Variants in PMPCB observed in about 807,000 individuals in gnomAD.
PMPCB encodes the protein peptidase, mitochondrial processing subunit beta.
Under a neutral mutation model 61.5 loss-of-function variants are expected in PMPCB, and 46 were observed. That is an observed-to-expected ratio of 0.75 (90% CI 0.59 to 0.96). The LOEUF is 0.96. Among genes scored for constraint, PMPCB ranks in the 40% least tolerant of loss-of-function variants. The pLI, the probability that PMPCB is intolerant of heterozygous loss-of-function variation, is 0.00. For missense variants in PMPCB, 590 were observed against 602.4 expected, an observed-to-expected ratio of 0.98 and a Z score of 0.22; for synonymous variants, 191 against 201.6, an observed-to-expected ratio of 0.95 and a Z score of 0.44.
At chr7:103,306,801 G>A (rs1817605420) in intron 6 of PMPCB, among the ~76,000 whole-genome samples, 2 of 152,108 alleles carry the variant, frequency 1.3e-5, no homozygotes, top group South Asian at 4.2e-4. Flanking sequence ...TGTCACCCAA[G>A]TTGGAGTGCA....
chr7:103,332,982 T>C (rs1449480262), downstream of PMPCB, among the ~76,000 whole-genome samples: 1 of 152,136 alleles, frequency 6.6e-6, no homozygotes, highest in Non-Finnish European at 1.5e-5. Context: ...GGACCAAAAG[T>C]GTTCGGGATT....
Position 103,300,270 on chromosome 7 carries a change from A to G in PMPCB, c.420A>G (p.Val140=), listed in dbSNP as rs769408078. The G allele has an allele frequency of 3.1e-6, 5 of 1,611,526 alleles. No homozygotes were observed. The highest frequency in any genetic ancestry group is 4.2e-6 in the Non-Finnish European group (5 of 1,178,284). The change falls in exon 4 of 13, where the codon GTA becomes GTG. Residue 140 remains valine, a synonymous_variant. Coordinates refer to ENST00000249269, the MANE Select transcript of PMPCB (RefSeq NM_004279.3). ...LNAYTSREQT[V]YYAKAFSKDL... is the part of the protein sequence containing the mutation. ...CCTATACCTCCAGAGAGCAGACTGT[A>G]TACTATGCCAAAGCATTCTCTAAAG...
intron 7 of PMPCB, among the ~76,000 whole-genome samples, chr7:103,308,013 G>A (rs1247893516): frequency 6.6e-6 from 1 of 152,178 alleles, no homozygotes; most frequent in Non-Finnish European, 1.5e-5. Context: ...TTGGCACTAT[G>A]CCAATTTACA....
At chr7:103,324,968 G>C (rs1196363915) in intron 12 of PMPCB, among the ~76,000 whole-genome samples, 1 of 152,104 alleles carries the variant, frequency 6.6e-6, no homozygotes, top group East Asian at 1.9e-4. Context: ...TATTCACAGA[G>C]GGAACTAATT....
chr7:103,344,699 T>G, the PMPCB span: 3 of 1,468,976 alleles, frequency 2.0e-6, no homozygotes, highest in Non-Finnish European at 2.8e-6. Context: ...CCTCCAGCTC[T>G]ACCTCTCACT....
At chr7:103,304,818 G>A (rs1311179148) in intron 6 of PMPCB, among the ~76,000 whole-genome samples, 2 of 152,074 alleles carry the variant, frequency 1.3e-5, no homozygotes, top group African/African-American at 4.8e-5. Context: ...AAGTAGCTGG[G>A]CGTGGTGACA....
chr7:103,326,255 G>C (rs10243712), intron 12 of PMPCB, among the ~76,000 whole-genome samples: 1 of 152,130 alleles, frequency 6.6e-6, no homozygotes, highest in African/African-American at 2.4e-5. Flanking sequence ...TGGGATTACA[G>C]GTGTGAACCA....
intron 6 of PMPCB, among the ~76,000 whole-genome samples, chr7:103,304,778 T>C (rs1447160204): frequency 6.6e-6 from 1 of 152,056 alleles, no homozygotes; most frequent in East Asian, 1.9e-4. Context: ...CTGACTAATA[T>C]GGTGAAACCC....
intron 12 of PMPCB, among the ~76,000 whole-genome samples, chr7:103,320,527 G>A (rs996458104): frequency 5.3e-5 from 8 of 151,294 alleles, no homozygotes; most frequent in Admixed American, 3.3e-4. Flanking sequence ...TTGGGAGGCC[G>A]AGGCAGGCGG....
chr7:103,297,631 G>A, intron 1 of PMPCB, 73 bp downstream of exon 1: 1 of 1,594,152 alleles, frequency 6.3e-7, no homozygotes, highest in Non-Finnish European at 8.5e-7. Flanking sequence ...GAGAGTCGGC[G>A]CCACAGATCC....
At chr7:103,322,579 C>T in intron 12 of PMPCB, 2 of 1,606,974 alleles carry the variant, frequency 1.2e-6, no homozygotes, top group Middle Eastern at 1.7e-4. Context: ...TCTTTCTTGG[C>T]TTTTTCTTCT....
the PMPCB span, chr7:103,336,721 A>G: frequency 6.6e-6 from 1 of 152,240 alleles, no homozygotes; most frequent in African/African-American, 2.4e-5. Flanking sequence ...ATTTATTTAT[A>G]CTGGAATAAC....
chr7:103,308,627 A>G (rs1359621346), intron 7 of PMPCB, among the ~76,000 whole-genome samples: 1 of 152,132 alleles, frequency 6.6e-6, no homozygotes, highest in African/African-American at 2.4e-5. Flanking sequence ...TCAAAAAAAA[A>G]GAAAGAAAAA....
intron 6 of PMPCB, among the ~76,000 whole-genome samples, chr7:103,306,754 ATTTAAT>A (rs1418101205): frequency 1.3e-5 from 2 of 151,794 alleles, no homozygotes; most frequent in Admixed American, 6.6e-5. Context: ...TCTTTTATTT[ATTTAAT>A]TTTATTTATT....
Position 103,314,534 on chromosome 7 carries a change from A to C in PMPCB, c.*2263A>C. The C allele has an allele frequency of 2.0e-6, 2 of 985,366 alleles. No homozygotes were observed. Among genetic ancestry groups the C allele is most frequent in the Non-Finnish European group, 2.4e-6 (2 of 829,880 alleles). 61.0% of individuals were successfully genotyped at this position (985,366 alleles called of 1,614,324 possible). ...ACATGGAAACAAGTCCCCCTAAGAA[A>C]GAGCTGAGACTAGTGTGCTAATACC... On this transcript the variant is annotated 3_prime_UTR_variant, in exon 13 of 13. Coordinates refer to ENST00000249269, the MANE Select transcript of PMPCB (RefSeq NM_004279.3).
chr7:103,334,620 A>G, the PMPCB span, among the ~76,000 whole-genome samples: 1 of 151,484 alleles, frequency 6.6e-6, no homozygotes, highest in South Asian at 2.1e-4. Flanking sequence ...TTTTAATTAA[A>G]AAAAAAAAAG....
intron 12 of PMPCB, chr7:103,321,790 G>T: frequency 1.1e-6 from 1 of 873,970 alleles, no homozygotes. Context: ...GGAAATTGCG[G>T]TGAACTGAGA....
chr7:103,337,993 G>A, the PMPCB span, among the ~76,000 whole-genome samples: 1 of 152,210 alleles, frequency 6.6e-6, no homozygotes, highest in Non-Finnish European at 1.5e-5. Flanking sequence ...TAGGCTGGGT[G>A]CCATGGTTCA....
chr7:103,305,642 A>G (rs2115666908), intron 6 of PMPCB, among the ~76,000 whole-genome samples: 1 of 152,340 alleles, frequency 6.6e-6, no homozygotes, highest in South Asian at 2.1e-4. Flanking sequence ...CTTTTTAGAG[A>G]TCATAATTTA....
Sources: allele counts gnomAD v4.1 joint callset (sites outside exome capture counted in the v4.1 genomes callset), GRCh38; gene constraint gnomAD v4.1.1; transcripts MANE v1.5; gene names NCBI Gene and HGNC (gene_info 2026-07-23, HGNC 2026-07-21).